AGBL4: variants seen among roughly 807,000 people sequenced by gnomAD.
AGBL4 encodes AGBL carboxypeptidase 4.
Under a neutral mutation model 66.4 loss-of-function variants are expected in AGBL4, and 58 were observed. The observed-to-expected ratio is 0.87, with a 90% CI of 0.71 to 1.09. The LOEUF is 1.09. AGBL4 is among the 50% of genes least tolerant of loss of function. The pLI is 0.00. For missense variants in AGBL4, 579 were observed against 631.0 expected (o/e 0.92, Z 0.88); for synonymous variants, 234 against 222.9 (o/e 1.05, Z -0.44).
At chr1:50,011,472 G>A (rs1291836675) in intron 1 of AGBL4, among the ~76,000 whole-genome samples, 1 of 152,154 alleles carries the variant, frequency 6.6e-6, no homozygotes, top group Admixed American at 6.5e-5. Flanking sequence ...AGAAGCGTTT[G>A]GAGGTTCCTC....
At chr1:48,842,263 T>C (rs976336628) in intron 6 of AGBL4, among the ~76,000 whole-genome samples, 2 of 152,176 alleles carry the variant, frequency 1.3e-5, no homozygotes, top group African/African-American at 4.8e-5. Flanking sequence ...CCTTTCCTTT[T>C]TCTTTTTTTT....
chr1:49,659,700 G>C lies in AGBL4; in HGVS notation c.282+37613C>G, dbSNP rs12077253. 2.6e-3 allele frequency among the ~76,000 whole-genome samples: 396 copies of C among 152,240 alleles called. 5 individuals carry two copies. The highest frequency in any genetic ancestry group is 9.0e-3 in the African/African-American group (372 of 41,556). The stretch of plus-strand genomic sequence containing the variant: ...AACAATGCACCCAGTGTCAATATTA[G>C]ACAGATCATTGAGACAGAAAATTAA... On this transcript the variant is annotated intron_variant, in intron 3 of 13. Transcript: ENST00000371839.
chr1:49,364,292 C>A (rs1644200388), intron 3 of AGBL4, among the ~76,000 whole-genome samples: 1 of 152,098 alleles, frequency 6.6e-6, no homozygotes, highest in African/African-American at 2.4e-5. Context: ...CTCAGGCAGA[C>A]CTGCACTCCA....
At chr1:49,215,705 C>T (rs1012340006) in intron 4 of AGBL4, among the ~76,000 whole-genome samples, 1 of 152,050 alleles carries the variant, frequency 6.6e-6, no homozygotes, top group Non-Finnish European at 1.5e-5. Context: ...TGCTGGGTTA[C>T]AATTCCTCTT....
intron 2 of AGBL4, among the ~76,000 whole-genome samples, chr1:49,770,058 G>A (rs1022683561): frequency 6.6e-6 from 1 of 151,990 alleles, no homozygotes; most frequent in Admixed American, 6.6e-5. Flanking sequence ...AAAATATTTC[G>A]GCTGGGCGCG....
intron 3 of AGBL4, among the ~76,000 whole-genome samples, chr1:49,692,219 T>G (rs751496151): frequency 3.3e-5 from 5 of 152,102 alleles, no homozygotes; most frequent in African/African-American, 1.2e-4. Context: ...ATTTTACAGA[T>G]GAGAAAACTG....
intron 6 of AGBL4, among the ~76,000 whole-genome samples, chr1:48,687,309 G>A (rs1646549507): frequency 6.6e-6 from 1 of 152,162 alleles, no homozygotes; most frequent in Non-Finnish European, 1.5e-5. Flanking sequence ...AGTTAAATGG[G>A]TATCCAGAGA....
intron 3 of AGBL4, among the ~76,000 whole-genome samples, chr1:49,510,884 A>C (rs1039016935): frequency 2.7e-5 from 4 of 149,506 alleles, no homozygotes; most frequent in Non-Finnish European, 4.5e-5. Flanking sequence ...GTCAAAGATC[A>C]GATAGTTGTA....
At chr1:48,687,393 C>T (rs1003126272) in intron 6 of AGBL4, among the ~76,000 whole-genome samples, 4 of 152,248 alleles carry the variant, frequency 2.6e-5, no homozygotes, top group South Asian at 2.1e-4. Flanking sequence ...CGGTGGGCCG[C>T]GGGTGGGCGG....
chr1:49,391,599 T>C (rs1335018559), intron 3 of AGBL4, among the ~76,000 whole-genome samples: 1 of 145,154 alleles, frequency 6.9e-6, no homozygotes, highest in Non-Finnish European at 1.5e-5. Context: ...TCTCGCTCTA[T>C]CGCCCAGGCT....
At chr1:49,036,248 C>G (rs996052278) in intron 5 of AGBL4, among the ~76,000 whole-genome samples, 24 of 151,922 alleles carry the variant, frequency 1.6e-4, no homozygotes, top group African/African-American at 5.5e-4. Flanking sequence ...TATAGAGAGG[C>G]CTGCCTGCCC....
intron 4 of AGBL4, among the ~76,000 whole-genome samples, chr1:49,182,431 T>G (rs1220061666): frequency 6.6e-6 from 1 of 152,166 alleles, no homozygotes; most frequent in Admixed American, 6.5e-5. Context: ...TAATCTGGAG[T>G]GAGGTAGGCC....
chr1:49,318,972 T>C (rs1645086356), intron 3 of AGBL4, among the ~76,000 whole-genome samples: 1 of 152,128 alleles, frequency 6.6e-6, no homozygotes, highest in Non-Finnish European at 1.5e-5. Context: ...GAGAGTTGAG[T>C]TCCAATTGCC....
chr1:48,845,840 G>A (rs974160067), intron 6 of AGBL4, among the ~76,000 whole-genome samples: 19 of 152,188 alleles, frequency 1.2e-4, no homozygotes, highest in African/African-American at 3.9e-4. Flanking sequence ...TCTGTTAAAT[G>A]ATAACAATTA....
intron 1 of AGBL4, among the ~76,000 whole-genome samples, chr1:49,895,758 C>T (rs759404188): frequency 7.9e-5 from 12 of 151,594 alleles, no homozygotes; most frequent in Middle Eastern, 3.2e-3. Context: ...TTAAATTACA[C>T]CACCAGAGAG....
intron 4 of AGBL4, among the ~76,000 whole-genome samples, chr1:49,110,374 A>G (rs554933464): frequency 7.9e-5 from 12 of 152,326 alleles, no homozygotes; most frequent in Admixed American, 2.0e-4. Context: ...TGAAACAATT[A>G]TACAGGGCTA....
chr1:48,569,904 T>C (rs533838326), intron 11 of AGBL4, among the ~76,000 whole-genome samples: 11 of 152,318 alleles, frequency 7.2e-5, no homozygotes, highest in African/African-American at 2.6e-4. Context: ...TAATCTCAGG[T>C]GGTCAATCAC....
At chr1:49,336,806 T>C (rs1416496599) in intron 3 of AGBL4, among the ~76,000 whole-genome samples, 1 of 152,180 alleles carries the variant, frequency 6.6e-6, no homozygotes, top group Non-Finnish European at 1.5e-5. Context: ...TTGAAAGTGT[T>C]TATCCAGTGC....
intron 4 of AGBL4, among the ~76,000 whole-genome samples, chr1:49,212,768 T>C (rs185363681): frequency 1.3e-5 from 2 of 152,142 alleles, no homozygotes; most frequent in South Asian, 4.1e-4. Context: ...CTGTATAGAG[T>C]TGTGTAGTCT....
Sources: allele counts gnomAD v4.1 joint callset (sites outside exome capture counted in the v4.1 genomes callset), GRCh38; gene constraint gnomAD v4.1.1; transcripts MANE v1.5; gene names NCBI Gene and HGNC (gene_info 2026-07-23, HGNC 2026-07-21).